Variants in EXOC6B observed in about 807,000 individuals in gnomAD.
EXOC6B encodes the protein exocyst complex component 6B.
In EXOC6B, 54 loss-of-function variants were observed where a neutral mutation model predicts 113.5. The observed-to-expected ratio is 0.48, with a 90% CI of 0.38 to 0.60. EXOC6B has a LOEUF of 0.60. Among genes scored for constraint, EXOC6B ranks in the 20% least tolerant of loss-of-function variants. The pLI, the probability that EXOC6B is intolerant of heterozygous loss-of-function variation, is 0.00. For missense variants in EXOC6B, 797 were observed against 977.5 expected (o/e 0.82, Z 2.46); for synonymous variants, 357 against 339.0 (o/e 1.05, Z -0.58).
chr2:72,563,467 T>C (rs1573399536), intron 7 of EXOC6B, among the ~76,000 whole-genome samples: 1 of 152,154 alleles, frequency 6.6e-6, no homozygotes, highest in African/African-American at 2.4e-5. Flanking sequence ...TTAAATAGCA[T>C]TTATATTCTA....
chr2:72,385,916 T>G (rs961964337), intron 18 of EXOC6B, among the ~76,000 whole-genome samples: 1 of 152,138 alleles, frequency 6.6e-6, no homozygotes, highest in African/African-American at 2.4e-5. Flanking sequence ...TTGGTGGAAA[T>G]GTAAATTAGT....
chr2:72,327,782 C>G (rs1165319931), intron 20 of EXOC6B, among the ~76,000 whole-genome samples: 1 of 152,048 alleles, frequency 6.6e-6, no homozygotes, highest in African/African-American at 2.4e-5. Flanking sequence ...AGCAGATTCT[C>G]CTCCAATCAA....
intron 8 of EXOC6B, among the ~76,000 whole-genome samples, chr2:72,550,941 C>A (rs1420831384): frequency 3.6e-5 from 5 of 137,192 alleles, no homozygotes; most frequent in Non-Finnish European, 7.7e-5. Flanking sequence ...TTTTTTGAGA[C>A]GGAGTCTCAC....
chr2:72,298,226 C>T (rs1229030590), intron 20 of EXOC6B, among the ~76,000 whole-genome samples: 1 of 152,114 alleles, frequency 6.6e-6, no homozygotes, highest in Non-Finnish European at 1.5e-5. Flanking sequence ...TGCATTGATC[C>T]TTTACCATTA....
At chr2:72,676,126 TA>T (rs879652258) in intron 6 of EXOC6B, among the ~76,000 whole-genome samples, 2,119 of 138,274 alleles carry the variant, frequency 0.015, 35 homozygotes, top group African/African-American at 0.038. Context: ...CATTCTAGTT[TA>T]AAAAAAAAAA....
At chr2:72,627,453 C>T (rs1672128937) in intron 6 of EXOC6B, among the ~76,000 whole-genome samples, 1 of 152,168 alleles carries the variant, frequency 6.6e-6, no homozygotes. Flanking sequence ...GATTCTTATG[C>T]AACCAGTATT....
chr2:72,825,130 T>C lies in EXOC6B; in HGVS notation c.113+668A>G, dbSNP rs982713626. Among the ~76,000 whole-genome samples, 1 of 151,930 alleles carries C rather than the reference T, an allele frequency of 6.6e-6. No homozygotes were observed. Among genetic ancestry groups the C allele is most frequent in the African/African-American group, 2.4e-5 (1 of 41,358 alleles). On this transcript the variant is annotated intron_variant, in intron 1 of 21. Transcript: ENST00000272427. This position sits in a 1 kb window ranked among gnomAD's most constrained non-coding sequence, Gnocchi z 4.4. ...AGGGATTTCTTTTGACATCTCCAAA[T>C]AAAATGGAGATGTGCGTGCAAAAAA...
chr2:72,326,813 A>G (rs1688154618), intron 20 of EXOC6B, among the ~76,000 whole-genome samples: 1 of 151,866 alleles, frequency 6.6e-6, no homozygotes, highest in Admixed American at 6.6e-5. Context: ...TTTTGCACCA[A>G]CATAATATAC....
chr2:72,376,804 T>C (rs1227176098), intron 19 of EXOC6B, among the ~76,000 whole-genome samples: 1 of 152,192 alleles, frequency 6.6e-6, no homozygotes, highest in Non-Finnish European at 1.5e-5. Flanking sequence ...AAATTTTAGC[T>C]TTTTGCTGTA....
intron 1 of EXOC6B, among the ~76,000 whole-genome samples, chr2:72,813,505 T>C (rs1686036969): frequency 6.6e-6 from 1 of 152,224 alleles, no homozygotes; most frequent in Non-Finnish European, 1.5e-5. Flanking sequence ...TTTCCTCTTA[T>C]TTTTGCTACT....
chr2:72,452,999 A>G (rs948843954), intron 18 of EXOC6B, among the ~76,000 whole-genome samples: 2 of 152,170 alleles, frequency 1.3e-5, no homozygotes, highest in Admixed American at 1.3e-4. Flanking sequence ...GGAAACCTCA[A>G]TTCAACAGCA....
intron 8 of EXOC6B, among the ~76,000 whole-genome samples, chr2:72,551,649 C>T (rs1333622470): frequency 6.6e-6 from 1 of 151,794 alleles, no homozygotes; most frequent in Non-Finnish European, 1.5e-5. Context: ...GGACTACAGG[C>T]GCCCGCCACC....
intron 1 of EXOC6B, among the ~76,000 whole-genome samples, chr2:72,751,313 G>A (rs1682028010): frequency 6.6e-6 from 1 of 152,034 alleles, no homozygotes; most frequent in Non-Finnish European, 1.5e-5. Flanking sequence ...AGTGGGGAAG[G>A]GCTTCCAGGT....
chr2:72,636,454 A>G (rs1672839912), intron 6 of EXOC6B, among the ~76,000 whole-genome samples: 1 of 150,148 alleles, frequency 6.7e-6, no homozygotes, highest in Non-Finnish European at 1.5e-5. Flanking sequence ...AAGGAAGAAG[A>G]AGGAGGAGGA....
chr2:72,275,594 G>A (rs1368422389), intron 20 of EXOC6B, among the ~76,000 whole-genome samples: 1 of 152,032 alleles, frequency 6.6e-6, no homozygotes, highest in African/African-American at 2.4e-5. Flanking sequence ...TCTTATTAGT[G>A]CTGCTCAATT....
chr2:72,384,939 A>G (rs1691909933), intron 18 of EXOC6B, among the ~76,000 whole-genome samples: 2 of 152,266 alleles, frequency 1.3e-5, no homozygotes, highest in South Asian at 4.1e-4. Flanking sequence ...ATTCTACCCA[A>G]AGTGATCTAC....
At position 72,431,485 on chromosome 2, in the gene EXOC6B, T is replaced by TATCTATC. The variant is rs1695517269; in HGVS notation, c.1980+33674_1980+33675insGATAGAT. On this transcript the variant is annotated intron_variant, in intron 18 of 21. Transcript: ENST00000272427. Reference sequence around the variant, plus strand: ...TGCCACCATGACTGGCTTGATTTCTTTATCTATCTATCTATCTATCTATCT... The same window carrying TATCTATC: ...TGCCACCATGACTGGCTTGATTTCTTATCTATCTATCTATCTATCTATCTATCTATCT... 4.1e-4 allele frequency among the ~76,000 whole-genome samples: 55 copies of TATCTATC among 133,892 alleles called. 1 individual carries two copies. Among genetic ancestry groups the TATCTATC allele is most frequent in the African/African-American group, 1.6e-3 (54 of 34,556 alleles). 87.8% of individuals were successfully genotyped at this position (133,892 alleles called of 152,430 possible). A position where few individuals can be genotyped will look rare whatever the true frequency, so the allele number is the denominator to read the frequency against.
intron 18 of EXOC6B, among the ~76,000 whole-genome samples, chr2:72,389,645 A>G (rs1363037018): frequency 6.6e-6 from 1 of 151,940 alleles, no homozygotes; most frequent in Non-Finnish European, 1.5e-5. Flanking sequence ...TTTTTTGCTG[A>G]TTATAGGATT....
At chr2:72,457,446 C>T (rs750407184) in intron 18 of EXOC6B, among the ~76,000 whole-genome samples, 7 of 152,024 alleles carry the variant, frequency 4.6e-5, no homozygotes, top group South Asian at 4.1e-4. Flanking sequence ...AGAATTTCCA[C>T]GCTTAACCCA....
Sources: gnomAD v4.1 joint callset for allele counts (sites outside exome capture counted in the v4.1 genomes callset) on GRCh38, gnomAD v4.1.1 for gene constraint, Gnocchi (gnomAD v3.1) non-coding constraint, MANE v1.5 for transcripts, NCBI Gene and HGNC (gene_info 2026-07-23, HGNC 2026-07-21) for gene names.